Variants in ODAM observed in about 807,000 individuals in gnomAD.
The protein encoded by ODAM is odontogenic ameloblast-associated protein.
Under a neutral mutation model 48.5 loss-of-function variants are expected in ODAM, and 55 were observed. The observed-to-expected ratio is 1.13, with a 90% CI of 0.91 to 1.42. The LOEUF is 1.42. Among genes scored for constraint, ODAM ranks in the 40% most tolerant of loss-of-function variants. The pLI is 0.00. For synonymous variants in ODAM, 127 were observed against 107.8 expected (o/e 1.18, Z -1.10); for missense variants, 353 against 323.6 (o/e 1.09, Z -0.70).
chr4:70,198,290 C>T (rs1312397651), intron 5 of ODAM, 133 bp downstream of exon 5: 8 of 740,604 alleles, frequency 1.1e-5, no homozygotes, highest in African/African-American at 1.8e-5. Flanking sequence ...TTTCTACCAT[C>T]GCTGTAAGTT....
intron 8 of ODAM, 90 bp from the exon 9 acceptor site, chr4:70,202,168 G>T: frequency 1.2e-6 from 1 of 833,898 alleles, no homozygotes. Context: ...AAGTTTGGGA[G>T]TGTTTTACTA....
intron 6 of ODAM, chr4:70,200,278 G>T: frequency 1.4e-5 from 6 of 426,136 alleles, no homozygotes; most frequent in East Asian, 9.0e-5. Context: ...TCCTAAATGT[G>T]TTTGCCCAAG....
At chr4:70,201,594 C>A in intron 8 of ODAM, 93 bp downstream of exon 8, 1 of 737,656 alleles carries the variant, frequency 1.4e-6, no homozygotes, top group South Asian at 1.6e-5. Context: ...CAAAGATGAC[C>A]AGGAGCGCAC....
chr4:70,196,210 C>T (rs1423343253), intron 1 of ODAM, among the ~76,000 whole-genome samples: 2 of 151,942 alleles, frequency 1.3e-5, no homozygotes, highest in African/African-American at 2.4e-5. Flanking sequence ...GCCTGCTCCT[C>T]TCCTTGTAGG....
rs1040561291 is a variant in ODAM at position 70,202,975 on chromosome 4, G to T, written c.810+58G>T. On this transcript the variant is annotated intron_variant, in intron 10 of 11. Coordinates refer to ENST00000683306, the MANE Select transcript of ODAM (RefSeq NM_017855.4). ...AAATTGTCTAATGAAAAAATACAGTGATAAAATTAGTGCTTTAATTTATAG... is the reference window on the plus strand; with the variant it reads ...AAATTGTCTAATGAAAAAATACAGTTATAAAATTAGTGCTTTAATTTATAG... The T allele has an allele frequency of 2.0e-6, 3 of 1,485,892 alleles. No homozygotes were observed. In the African/African-American group the frequency reaches 4.3e-5, roughly 21 times the overall value. The allele number at this position is 1,485,892 out of a possible 1,614,324, so 92.0% of individuals were successfully genotyped here. A position where few individuals can be genotyped will look rare whatever the true frequency, so the allele number is the denominator to read the frequency against.
chr4:70,198,517 C>T, intron 5 of ODAM, 62 bp from the exon 6 acceptor site: 1 of 1,295,732 alleles, frequency 7.7e-7, no homozygotes, highest in Non-Finnish European at 1.1e-6. Context: ...GGAAAAGCAG[C>T]TCAGGGATTT....
intron 3 of ODAM, 24 bp downstream of exon 3, chr4:70,196,757 TCTC>T (rs1441745138): frequency 6.4e-7 from 1 of 1,571,134 alleles, no homozygotes. Context: ...ATTAAAACAA[TCTC>T]CTCCTTTTTT....
intron 8 of ODAM, 112 bp downstream of exon 8, chr4:70,201,613 G>A (rs534416462): frequency 3.0e-6 from 2 of 662,104 alleles, no homozygotes; most frequent in Non-Finnish European, 2.7e-6. Flanking sequence ...ACCTCTAATT[G>A]AACAAAATTG....
In ODAM at chr4:70,204,569, A is replaced by G. The variant is rs959308865; in HGVS notation, c.*424A>G. ...AACTGATGAAGTAAAATAAGTATCT[A>G]GATTTGACATGTCATCTCTTCATTT... On this transcript the variant is annotated 3_prime_UTR_variant, in exon 12 of 12. Coordinates refer to ENST00000683306, the MANE Select transcript of ODAM (RefSeq NM_017855.4). 11 of 152,130 alleles carry G rather than the reference A, an allele frequency of 7.2e-5. No individual in the cohort carries two copies. The highest frequency in any genetic ancestry group is 2.6e-4 in the African/African-American group (11 of 41,550). The allele number at this position is 152,130 out of a possible 1,614,324, so 9.4% of individuals were successfully genotyped here. A position where few individuals can be genotyped will look rare whatever the true frequency, so the allele number is the denominator to read the frequency against.
intron 9 of ODAM, 53 bp from the exon 10 acceptor site, chr4:70,202,703 T>C: frequency 2.2e-6 from 3 of 1,390,284 alleles, no homozygotes; most frequent in Non-Finnish European, 3.0e-6. Context: ...TTCCCAATTT[T>C]GGCCTTCTTG....
At chr4:70,195,953 G>T (rs996352083) in intron 1 of ODAM, among the ~76,000 whole-genome samples, 160 bp downstream of exon 1, 1 of 151,858 alleles carries the variant, frequency 6.6e-6, no homozygotes, top group Non-Finnish European at 1.5e-5. Flanking sequence ...TACTTAAACA[G>T]GTTACACCAT....
In ODAM at chr4:70,201,452, A is replaced by T. The variant is rs1729491751; in HGVS notation, c.529-2A>T. 2 of 1,472,094 alleles carry T rather than the reference A, an allele frequency of 1.4e-6. No individual in the cohort carries two copies. Among genetic ancestry groups the T allele is most frequent in the Non-Finnish European group, 9.4e-7 (1 of 1,060,336 alleles). The allele number at this position is 1,472,094 out of a possible 1,614,324, so 91.2% of individuals were successfully genotyped here. A position where few individuals can be genotyped will look rare whatever the true frequency, so the allele number is the denominator to read the frequency against. On this transcript the variant is annotated splice_acceptor_variant, in intron 7 of 11. Transcript: ENST00000683306. LOFTEE classifies it high-confidence loss of function. The stretch of plus-strand genomic sequence containing the variant: ...TAATACATTTTTTAAAAAATCTGAC[A>T]GATACCATTCTATGCTCAATTTGGA...
Position 70,196,736 on chromosome 4 carries a change from T to A in ODAM, c.93+3T>A. ...TGTCTGCCAGCAATAGCAATGAGGTTAGTTTAAATAATTAAAACAATCTCC... is the reference window on the plus strand; with the variant it reads ...TGTCTGCCAGCAATAGCAATGAGGTAAGTTTAAATAATTAAAACAATCTCC... On this transcript the variant is annotated splice_donor_region_variant and intron_variant, in intron 3 of 11. Transcript: ENST00000683306. 1 of 1,600,280 alleles carries A rather than the reference T, an allele frequency of 6.2e-7. No homozygotes were observed. The highest frequency in any genetic ancestry group is 8.5e-7 in the Non-Finnish European group (1 of 1,172,198).
At position 70,198,047 on chromosome 4, in the gene ODAM, A is replaced by T. The variant is rs1729414831; in HGVS notation, c.265A>T (p.Asn89Tyr). ...ALDQFAGLLP[N>Y]QIPLTGEASF... ...AGACCAGTTTGCTGGACTGCTCCCA[A>T]ATCAGATACCCTTAACAGGAGAGGC... Residue 89 changes from asparagine to tyrosine, a missense_variant, in exon 5 of 12, where the codon AAT becomes TAT. Physicochemically the swap from Asn to Tyr is moderately radical, Grantham distance 143. Coordinates refer to ENST00000683306, the MANE Select transcript of ODAM (RefSeq NM_017855.4). 1.2e-6 allele frequency: 2 copies of T among 1,613,268 alleles called. No individual in the cohort carries two copies. Among genetic ancestry groups the T allele is most frequent in the South Asian group, 2.2e-5 (2 of 91,070 alleles).
At chr4:70,197,350 G>A (rs1729392213) in intron 4 of ODAM, 29 bp downstream of exon 4, 2 of 1,200,712 alleles carry the variant, frequency 1.7e-6, no homozygotes, top group Non-Finnish European at 2.5e-6. Flanking sequence ...TTACTTTATG[G>A]GGAATATTTA....
Position 70,202,325 on chromosome 4 carries a change from T to G in ODAM, c.644T>G (p.Val215Gly), listed in dbSNP as rs376551545. The change falls in exon 9 of 12, where the codon GTG (valine) becomes GGG (glycine). Residue 215 changes from valine to glycine, a missense_variant. By Grantham distance (109) the Val-to-Gly change is moderately radical. Coordinates refer to ENST00000683306, the MANE Select transcript of ODAM (RefSeq NM_017855.4). ...CTAGGCACAGCTCCTGAAATTGCTG[T>G]GATGGTAAGATTCCTTACAACACTT... ...PQLGTAPEIA[V>G]MSTGEEIPYL... 5.0e-6 allele frequency: 8 copies of G among 1,610,700 alleles called. No homozygotes were observed. The highest frequency in any genetic ancestry group is 5.9e-6 in the Non-Finnish European group (7 of 1,177,660).
Position 70,201,645 on chromosome 4 carries a change from G to A in ODAM, c.576+144G>A, listed in dbSNP as rs370111746. 435 of 618,754 alleles carry A rather than the reference G, an allele frequency of 7.0e-4. 11 individuals are homozygous for A. The South Asian group carries it at 7.7e-3, about 11-fold the overall frequency. 38.3% of individuals were successfully genotyped at this position (618,754 alleles called of 1,614,324 possible). A position where few individuals can be genotyped will look rare whatever the true frequency, so the allele number is the denominator to read the frequency against. ...ATTGTATGTATCCACTCAGTACAAG[G>A]AGGAGAACACACACGTGGGGATTCT... is the stretch of plus-strand genomic sequence containing the variant. On this transcript the variant is annotated intron_variant, in intron 8 of 11. Coordinates refer to ENST00000683306, the MANE Select transcript of ODAM (RefSeq NM_017855.4).
In ODAM at chr4:70,202,263, A is replaced by G. The variant is rs550339762; in HGVS notation, c.582A>G (p.Ile194Met). 6.2e-7 allele frequency: 1 copy of G among 1,611,466 alleles called. No individual in the cohort carries two copies. The highest frequency in any genetic ancestry group is 1.3e-5 in the African/African-American group (1 of 74,902). The change falls in exon 9 of 12, where the codon ATA becomes ATG. Residue 194 changes from isoleucine to methionine, a missense_variant. By Grantham distance (10) the Ile-to-Met change is conservative. Coordinates refer to ENST00000683306, the MANE Select transcript of ODAM (RefSeq NM_017855.4). ...GYIPQLAEPA[I>M]SGGQQQLAFD... is the part of the protein sequence containing the mutation. The stretch of plus-strand genomic sequence containing the variant: ...AAAACTTTTTGTGTTTTTAGGCTAT[A>G]TCAGGAGGACAGCAGCAACTAGCTT...
At chr4:70,198,369 G>A (rs1283191940) in intron 5 of ODAM, among the ~76,000 whole-genome samples, 1 of 151,816 alleles carries the variant, frequency 6.6e-6, no homozygotes, top group Non-Finnish European at 1.5e-5. Context: ...ACAGCAACAA[G>A]CCAAAAAAGT....
Sources: gnomAD v4.1 joint callset for allele counts (sites outside exome capture counted in the v4.1 genomes callset) on GRCh38, gnomAD v4.1.1 for gene constraint, MANE v1.5 for transcripts, NCBI Gene and HGNC (gene_info 2026-07-23, HGNC 2026-07-21) for gene names.